Variants in TUSC3 observed in about 807,000 individuals in gnomAD.
The protein encoded by TUSC3 is tumor suppressor candidate 3, also known as dolichyl-diphosphooligosaccharide--protein glycosyltransferase subunit TUSC3.
A neutral mutation model predicts 44.8 loss-of-function variants in TUSC3; 45 were observed. That is an observed-to-expected ratio of 1.00 (90% CI 0.79 to 1.29). The LOEUF is 1.29. Among genes scored for constraint, TUSC3 ranks in the 50% most tolerant of loss-of-function variants. The pLI is 0.00. For missense variants in TUSC3, 519 were observed against 437.9 expected (o/e 1.19, Z -1.65); for synonymous variants, 212 against 152.9 (o/e 1.39, Z -2.85).
chr8:15,767,605 C>T (rs779465750), downstream of TUSC3, among the ~76,000 whole-genome samples: 8 of 152,126 alleles, frequency 5.3e-5, no homozygotes, highest in Non-Finnish European at 8.8e-5. Flanking sequence ...CCTCCCCAGT[C>T]AGGAATGGTC....
At chr8:15,755,545 C>T (rs1048251547) in intron 9 of TUSC3, among the ~76,000 whole-genome samples, 4 of 151,902 alleles carry the variant, frequency 2.6e-5, no homozygotes, top group Admixed American at 2.6e-4. Context: ...TTGAAATTGT[C>T]AGTGAAATAG....
intron 9 of TUSC3, among the ~76,000 whole-genome samples, chr8:15,751,834 C>T (rs1484887423): frequency 6.6e-6 from 1 of 152,130 alleles, no homozygotes; most frequent in Non-Finnish European, 1.5e-5. Flanking sequence ...ACACCATGCA[C>T]AGCTGAGTCA....
chr8:15,797,476 A>T, the TUSC3 span, among the ~76,000 whole-genome samples: 1 of 152,080 alleles, frequency 6.6e-6, no homozygotes, highest in African/African-American at 2.4e-5. Context: ...GTTCTTTTGC[A>T]TTTTTTCAGG....
chr8:15,452,677 T>C (rs1420901843), intron 1 of TUSC3, among the ~76,000 whole-genome samples: 1 of 152,150 alleles, frequency 6.6e-6, no homozygotes, highest in Non-Finnish European at 1.5e-5. Flanking sequence ...AGTCTTTGCT[T>C]TGTGTGTCAC....
At chr8:15,463,552 G>A (rs755912802) in intron 1 of TUSC3, among the ~76,000 whole-genome samples, 21 of 152,132 alleles carry the variant, frequency 1.4e-4, no homozygotes, top group Non-Finnish European at 2.8e-4. Flanking sequence ...ATACCTGAGT[G>A]GCAGGAAGGT....
Position 15,623,189 on chromosome 8 carries a change from A to G in TUSC3, c.248A>G (p.Asn83Ser), listed in dbSNP as rs1302164828. Reference sequence around the variant, plus strand: ...AAATTTATAAAGGCACCACCTCGAAACTATTCCATGATTGTTATGTTCACT... The same window carrying G: ...AAATTTATAAAGGCACCACCTCGAAGCTATTCCATGATTGTTATGTTCACT... ...FRKFIKAPPR[N>S]YSMIVMFTAL... The change falls in exon 2 of 11, where the codon AAC (asparagine) becomes AGC (serine). Residue 83 changes from asparagine (N) to serine (S), a missense_variant. Transcript: ENST00000503731. 4 of 1,613,604 alleles carry G rather than the reference A, an allele frequency of 2.5e-6. No homozygotes were observed. The South Asian group carries it at 3.3e-5, about 13-fold the overall frequency.
intron 1 of TUSC3, among the ~76,000 whole-genome samples, chr8:15,431,070 G>A (rs963224345): frequency 3.3e-5 from 5 of 151,668 alleles, no homozygotes; most frequent in Non-Finnish European, 7.4e-5. Flanking sequence ...GAACCGTATT[G>A]TTTTAATTAC....
At chr8:15,543,116 G>C (rs980699591) in intron 1 of TUSC3, among the ~76,000 whole-genome samples, 1 of 152,172 alleles carries the variant, frequency 6.6e-6, no homozygotes, top group Non-Finnish European at 1.5e-5. Flanking sequence ...ATAGCCCAGG[G>C]TTATTTTGAC....
At chr8:15,601,874 A>G (rs990861748) in intron 1 of TUSC3, among the ~76,000 whole-genome samples, 1 of 151,060 alleles carries the variant, frequency 6.6e-6, no homozygotes, top group Non-Finnish European at 1.5e-5. Context: ...GTGTGTACAT[A>G]TTATATAAGA....
chr8:15,574,758 T>C (rs1803024673), intron 1 of TUSC3, among the ~76,000 whole-genome samples: 1 of 152,170 alleles, frequency 6.6e-6, no homozygotes, highest in South Asian at 2.1e-4. Context: ...GAGAAATGGA[T>C]CAATGAAACA....
intron 1 of TUSC3, among the ~76,000 whole-genome samples, chr8:15,608,396 C>T (rs184520422): frequency 3.4e-4 from 51 of 152,068 alleles, no homozygotes; most frequent in Admixed American, 9.2e-4. Context: ...ATAAATTGAA[C>T]AATAGTAGGG....
intron 6 of TUSC3, among the ~76,000 whole-genome samples, chr8:15,718,012 A>G (rs1329487344): frequency 1.3e-5 from 2 of 152,110 alleles, no homozygotes; most frequent in African/African-American, 4.8e-5. Flanking sequence ...TTTGCATTTT[A>G]TGAAACAGAA....
At chr8:15,645,531 T>C (rs1032543911) in intron 2 of TUSC3, among the ~76,000 whole-genome samples, 1 of 152,240 alleles carries the variant, frequency 6.6e-6, no homozygotes, top group Admixed American at 6.5e-5. Flanking sequence ...TTAAAATATG[T>C]ATACCTTATT....
At chr8:15,673,905 G>T in intron 6 of TUSC3, 69 bp downstream of exon 6, 1 of 1,337,924 alleles carries the variant, frequency 7.5e-7, no homozygotes, top group Non-Finnish European at 1.1e-6. Flanking sequence ...AAGAAATTAT[G>T]TTTAGTATTT....
chr8:15,631,898 G>A (rs931148567), intron 2 of TUSC3, among the ~76,000 whole-genome samples: 1 of 151,978 alleles, frequency 6.6e-6, no homozygotes, highest in South Asian at 2.1e-4. Context: ...TAGTAGAGAT[G>A]GGGTTTCAGC....
chr8:15,590,608 A>T (rs1274760127), intron 1 of TUSC3, among the ~76,000 whole-genome samples: 1 of 151,790 alleles, frequency 6.6e-6, no homozygotes, highest in Admixed American at 6.6e-5. Context: ...TATGTGGGGG[A>T]TTCTTCAAAG....
the TUSC3 span, among the ~76,000 whole-genome samples, chr8:15,780,924 T>A: frequency 1.3e-5 from 2 of 152,288 alleles, no homozygotes; most frequent in East Asian, 3.9e-4. Context: ...GGGAATAGAA[T>A]AGAGAAGAGG....
chr8:15,670,637 A>T (rs1183027346), intron 5 of TUSC3, among the ~76,000 whole-genome samples: 1 of 151,910 alleles, frequency 6.6e-6, no homozygotes, highest in Non-Finnish European at 1.5e-5. Context: ...AAGATTTCTT[A>T]AAACAGAACA....
At chr8:15,450,209 C>G (rs1483805834) in intron 1 of TUSC3, among the ~76,000 whole-genome samples, 1 of 152,062 alleles carries the variant, frequency 6.6e-6, no homozygotes, top group Non-Finnish European at 1.5e-5. Flanking sequence ...GTGTGTTTAT[C>G]TGTTTATCAT....
Sources: gnomAD v4.1 joint callset for allele counts (sites outside exome capture counted in the v4.1 genomes callset) on GRCh38, gnomAD v4.1.1 for gene constraint, MANE v1.5 for transcripts, NCBI Gene and HGNC (gene_info 2026-07-23, HGNC 2026-07-21) for gene names.